MAPRE2: variants seen among roughly 807,000 people sequenced by gnomAD.
MAPRE2 encodes microtubule-associated protein RP/EB family member 2.
A neutral mutation model predicts 43.2 loss-of-function variants in MAPRE2; 13 were observed. The ratio of observed to expected loss-of-function variants is 0.30; its 90% CI spans 0.20 to 0.48. MAPRE2 has a LOEUF of 0.48. Among genes scored for constraint, MAPRE2 ranks in the 20% least tolerant of loss-of-function variants. The probability of loss-of-function intolerance (pLI) is 0.99; values close to 1 mark genes in which losing one functional copy is unlikely to be tolerated. For missense variants in MAPRE2, 161 were observed against 400.2 expected (o/e 0.40, Z 5.10); for synonymous variants, 135 against 148.8 (o/e 0.91, Z 0.68).
intron 1 of MAPRE2, among the ~76,000 whole-genome samples, chr18:35,059,457 A>G (rs1906408069): frequency 6.6e-6 from 1 of 152,196 alleles, no homozygotes; most frequent in South Asian, 2.1e-4. Context: ...CTTTGTTTGC[A>G]TTCATTCAGC....
intron 2 of MAPRE2, among the ~76,000 whole-genome samples, chr18:35,020,576 G>C (rs2097041306): frequency 6.6e-6 from 1 of 151,874 alleles, no homozygotes; most frequent in Non-Finnish European, 1.5e-5. Flanking sequence ...TGTGCAGTGA[G>C]TGCTTAGAAC....
At chr18:35,064,501 T>C (rs1464347445) in intron 1 of MAPRE2, among the ~76,000 whole-genome samples, 1 of 152,106 alleles carries the variant, frequency 6.6e-6, no homozygotes, top group African/African-American at 2.4e-5. Context: ...CAGTTAACAC[T>C]CATAATGCTA....
chr18:35,061,434 T>C (rs1263015166), intron 1 of MAPRE2, among the ~76,000 whole-genome samples: 1 of 152,218 alleles, frequency 6.6e-6, no homozygotes, highest in Non-Finnish European at 1.5e-5. Flanking sequence ...ATCATCCTTG[T>C]GTGAAGTCAG....
At chr18:35,119,826 G>A (rs1214026995) in intron 4 of MAPRE2, among the ~76,000 whole-genome samples, 1 of 152,156 alleles carries the variant, frequency 6.6e-6, no homozygotes, top group East Asian at 1.9e-4. Flanking sequence ...AAATAAAAAT[G>A]AGCCTTATTT....
At chr18:34,980,340 A>G (rs2097015552) in intron 1 of MAPRE2, among the ~76,000 whole-genome samples, 1 of 152,058 alleles carries the variant, frequency 6.6e-6, no homozygotes, top group Non-Finnish European at 1.5e-5. Context: ...TTCTTTAAGG[A>G]GGAAAAACAG....
chr18:35,139,878 C>T (rs1437510100), intron 6 of MAPRE2, among the ~76,000 whole-genome samples: 1 of 152,176 alleles, frequency 6.6e-6, no homozygotes, highest in Non-Finnish European at 1.5e-5. Flanking sequence ...AGTGACACCC[C>T]CCACCAAAAT....
At chr18:35,101,306 C>T (rs1277931500) in intron 3 of MAPRE2, among the ~76,000 whole-genome samples, 1 of 151,754 alleles carries the variant, frequency 6.6e-6, no homozygotes, top group African/African-American at 2.4e-5. Flanking sequence ...TTATGGGGTA[C>T]CTGAGGCATT....
intron 2 of MAPRE2, among the ~76,000 whole-genome samples, chr18:35,095,432 A>G (rs1908371864): frequency 6.6e-6 from 1 of 151,660 alleles, no homozygotes; most frequent in African/African-American, 2.4e-5. Context: ...AAAGAGGATT[A>G]GAATGGCATA....
At chr18:35,008,571 T>C (rs1427879637) in intron 2 of MAPRE2, among the ~76,000 whole-genome samples, 1 of 152,240 alleles carries the variant, frequency 6.6e-6, no homozygotes, top group Non-Finnish European at 1.5e-5. Context: ...GAACTATTAT[T>C]GGAATTGCAG....
chr18:34,995,740 G>A (rs1229818448), intron 1 of MAPRE2, among the ~76,000 whole-genome samples: 4 of 152,170 alleles, frequency 2.6e-5, no homozygotes, highest in Non-Finnish European at 5.9e-5. Flanking sequence ...TGGTAGTAAG[G>A]TCTAAGCTAT....
At chr18:35,108,927 T>A (rs1223982116) in intron 4 of MAPRE2, among the ~76,000 whole-genome samples, 2 of 152,232 alleles carry the variant, frequency 1.3e-5, no homozygotes, top group East Asian at 3.8e-4. Context: ...GTAGGTTGCC[T>A]GTTCACTCTG....
chr18:34,981,887 A>ATTTTTTTTTTTTT (rs1261290510), intron 1 of MAPRE2, among the ~76,000 whole-genome samples: 5 of 34,780 alleles, frequency 1.4e-4, no homozygotes, highest in African/African-American at 3.0e-4. Flanking sequence ...ATTTTTATTT[A>ATTTTTTTTTTTTT]TTTTTTTTTT....
intron 2 of MAPRE2, among the ~76,000 whole-genome samples, chr18:35,031,700 C>T (rs1341093182): frequency 1.3e-5 from 2 of 152,320 alleles, no homozygotes; most frequent in South Asian, 4.1e-4. Context: ...TGTGTTTTCA[C>T]ATCATGGACA....
chr18:35,096,067 A>G (rs1364399085), intron 2 of MAPRE2, among the ~76,000 whole-genome samples: 1 of 152,154 alleles, frequency 6.6e-6, no homozygotes, highest in East Asian at 1.9e-4. Flanking sequence ...TAGATTCCTG[A>G]TGTCTTGTTC....
At chr18:35,054,031 G>A (rs990056686) in intron 1 of MAPRE2, among the ~76,000 whole-genome samples, 2 of 152,192 alleles carry the variant, frequency 1.3e-5, no homozygotes, top group Non-Finnish European at 2.9e-5. Flanking sequence ...GCCAAGAATA[G>A]CCAAAGCGTT....
At chr18:35,070,108 C>T (rs907660612) in intron 1 of MAPRE2, 87 bp from the exon 2 acceptor site, 1 of 1,195,046 alleles carries the variant, frequency 8.4e-7, no homozygotes. Flanking sequence ...GCCCTGGAGT[C>T]CTGCCAGGAT....
At chr18:35,023,840 A>G (rs1199381506) in intron 2 of MAPRE2, among the ~76,000 whole-genome samples, 7 of 152,110 alleles carry the variant, frequency 4.6e-5, no homozygotes, top group African/African-American at 1.4e-4. Flanking sequence ...TAATTTTTTT[A>G]TTTACTGATG....
intron 4 of MAPRE2, among the ~76,000 whole-genome samples, chr18:35,112,861 C>G (rs1909241833): frequency 6.6e-6 from 1 of 152,216 alleles, no homozygotes; most frequent in Non-Finnish European, 1.5e-5. Context: ...ATGTATTTCT[C>G]ACAGTTCTGG....
intron 5 of MAPRE2, among the ~76,000 whole-genome samples, chr18:35,130,330 A>T (rs753269042): frequency 1.5e-4 from 23 of 152,164 alleles, no homozygotes; most frequent in Non-Finnish European, 3.1e-4. Context: ...GTTTTTTTGT[A>T]CATCTTACAA....
Sources: allele counts gnomAD v4.1 joint callset (sites outside exome capture counted in the v4.1 genomes callset), GRCh38; gene constraint gnomAD v4.1.1; transcripts MANE v1.5; gene names NCBI Gene and HGNC (gene_info 2026-07-23, HGNC 2026-07-21).